Variants in SZT2 observed in about 807,000 individuals in gnomAD.
SZT2 encodes KICSTOR complex protein SZT2.
Under a neutral mutation model 404.2 loss-of-function variants are expected in SZT2, and 216 were observed. The observed-to-expected ratio is 0.53, with a 90% confidence interval of 0.48 to 0.60. The LOEUF (loss-of-function observed/expected upper bound fraction) is 0.60. Ranked by LOEUF, SZT2 falls within the 20% of genes least tolerant of loss-of-function variation. The probability of loss-of-function intolerance (pLI) is 0.00; values close to 1 mark genes in which losing one functional copy is unlikely to be tolerated. For missense variants in SZT2, 3,857 were observed against 4,459.2 expected (o/e 0.86, Z 3.85); for synonymous variants, 1,693 against 1,749.9 (o/e 0.97, Z 0.81).
chr1:43,427,203 G>A (rs773910450), intron 24 of SZT2, 24 bp downstream of exon 24: 30 of 1,612,236 alleles, frequency 1.9e-5, no homozygotes, highest in East Asian at 6.7e-5. Flanking sequence ...ACCTCCTCAC[G>A]AACCCCCTCA....
Position 43,439,148 on chromosome 1 carries a change from A to C in SZT2, c.6792+55A>C. 1.2e-6 allele frequency: 2 copies of C among 1,608,258 alleles called. No homozygotes were observed. The highest frequency in any genetic ancestry group is 8.5e-7 in the Non-Finnish European group (1 of 1,176,320). On this transcript the variant is annotated intron_variant, in intron 48 of 71. Coordinates refer to ENST00000634258, the MANE Select transcript of SZT2 (RefSeq NM_001365999.1). The surrounding 1 kb of genome is among the most constrained non-coding windows in gnomAD (Gnocchi z 4.2). ...CATGTGCACCCCTGCCCCCTGCCCC[A>C]CGCACTTACTCTTTCCTACCGATAC...
At chr1:43,407,367 T>A (rs549513931) in intron 4 of SZT2, among the ~76,000 whole-genome samples, 12 of 152,092 alleles carry the variant, frequency 7.9e-5, no homozygotes, top group African/African-American at 2.9e-4. Flanking sequence ...AACAAAAAAA[T>A]TAGCTGGGCG....
Position 43,419,702 on chromosome 1 carries a change from G to A in SZT2, c.880-32G>A, listed in dbSNP as rs569599400. 70 of 1,563,774 alleles carry A rather than the reference G, an allele frequency of 4.5e-5. No individual in the cohort carries two copies. The Middle Eastern group carries it at 1.2e-3, about 26-fold the overall frequency. ...TCTTCCTTCTCCTATGCCTCTGTCAGAGCTAGGTCTTCAGTTGCTCACTTT... is the reference window on the plus strand; with the variant it reads ...TCTTCCTTCTCCTATGCCTCTGTCAAAGCTAGGTCTTCAGTTGCTCACTTT... On this transcript the variant is annotated intron_variant, in intron 7 of 71. Transcript: ENST00000634258.
At chr1:43,440,642 T>C (rs1208448721) in intron 52 of SZT2, 56 bp downstream of exon 52, 9 of 1,484,630 alleles carry the variant, frequency 6.1e-6, no homozygotes, top group Non-Finnish European at 7.2e-6. Flanking sequence ...TCCTAGCTCC[T>C]CCCACACTCC....
In SZT2 at chr1:43,406,518, A is replaced by ACT. The variant is rs367610245; in HGVS notation, c.498+1972_498+1973dup. The ACT allele has an allele frequency of 4.0e-3, 621 of 154,782 alleles. 2 individuals carry two copies. The highest frequency in any genetic ancestry group is 5.7e-3 in the Non-Finnish European group (396 of 69,414). The allele number at this position is 154,782 out of a possible 1,614,324, so 9.6% of individuals were successfully genotyped here. ...CAAATACATGGTACTATGAACCTGT[A>ACT]CTCTCAATCACAGGTGTTTTAGGGA... On this transcript the variant is annotated intron_variant, in intron 4 of 71. Transcript: ENST00000634258.
At position 43,453,908 on chromosome 1, in the gene SZT2, C is replaced by G. The variant is rs1656757429; in HGVS notation, c.*3428C>G. 1 of 1,213,400 alleles carries G rather than the reference C, an allele frequency of 8.2e-7. No homozygotes were observed. The highest frequency in any genetic ancestry group is 1.0e-6 in the Non-Finnish European group (1 of 976,794). The allele number at this position is 1,213,400 out of a possible 1,614,324, so 75.2% of individuals were successfully genotyped here. On this transcript the variant is annotated 3_prime_UTR_variant, in exon 72 of 72. Transcript: ENST00000634258. ...TGCTGGCCCTGCGAACGAACGAGCACTGTTCGTGGTTAGAAAAGCGAAGTG... is the reference window on the plus strand; with the variant it reads ...TGCTGGCCCTGCGAACGAACGAGCAGTGTTCGTGGTTAGAAAAGCGAAGTG...
chr1:43,394,815 G>A (rs1272640234), intron 1 of SZT2, among the ~76,000 whole-genome samples: 1 of 151,784 alleles, frequency 6.6e-6, no homozygotes, highest in Non-Finnish European at 1.5e-5. Context: ...GGAGGTGGAG[G>A]TTGCGGTGAG....
chr1:43,405,178 A>G (rs1196715204), intron 4 of SZT2: 1 of 152,004 alleles, frequency 6.6e-6, no homozygotes, highest in Admixed American at 6.6e-5. Context: ...TTATTTATTT[A>G]TTTATTTATT....
At position 43,446,994 on chromosome 1, in the gene SZT2, G is replaced by A; in HGVS notation, c.9112G>A (p.Asp3038Asn). 6.2e-7 allele frequency: 1 copy of A among 1,613,590 alleles called. No homozygotes were observed. The highest frequency in any genetic ancestry group is 2.2e-5 in the East Asian group (1 of 44,886). The change falls in exon 66 of 72, where the codon GAC becomes AAC. Residue 3038 changes from aspartate to asparagine, a missense_variant. Asp to Asn is a conservative substitution (Grantham distance 23, BLOSUM62 1). Transcript: ENST00000634258. Reference protein sequence around the residue: ...LFTEECDKVRDLMHVHSFSYD... With the variant: ...LFTEECDKVRNLMHVHSFSYD... ...CACAGAGGAGTGTGACAAGGTGCGG[G>A]ACCTGATGCACGTGCACTCGTTCAG...
chr1:43,425,136 A>C lies in SZT2; in HGVS notation c.2574A>C (p.Ala858=). Residue 858 remains alanine (A), a synonymous_variant, in exon 18 of 72, where the codon GCA becomes GCC. Coordinates refer to ENST00000634258, the MANE Select transcript of SZT2 (RefSeq NM_001365999.1). This position sits in a 1 kb window ranked among gnomAD's most constrained non-coding sequence, Gnocchi z 4.3. ...PIQNEPPGQA[A]AEEKHTCVVQ... ...AGAATGAACCACCAGGGCAGGCTGC[A>C]GCTGAAGAGAAGCACACCTGTGTTG... 2 of 1,614,204 alleles carry C rather than the reference A, an allele frequency of 1.2e-6. No individual in the cohort carries two copies.
intron 1 of SZT2, among the ~76,000 whole-genome samples, chr1:43,400,082 G>A (rs1026318170): frequency 6.6e-6 from 1 of 151,944 alleles, no homozygotes; most frequent in Non-Finnish European, 1.5e-5. Flanking sequence ...AGGACTACAG[G>A]TGCTCACCAC....
chr1:43,400,280 G>A (rs1482541076), intron 1 of SZT2, among the ~76,000 whole-genome samples: 1 of 152,080 alleles, frequency 6.6e-6, no homozygotes, highest in Non-Finnish European at 1.5e-5. Context: ...AATATAATAC[G>A]CAAGTGCAAC....
chr1:43,437,214 A>T lies in SZT2; in HGVS notation c.6078A>T (p.Ala2026=). Reference sequence around the variant, plus strand: ...GCTGTGCGCCCCGTGGGTACCTGGCAGCCACAATGCAGTTTGTCCCTGGCC... The same window carrying T: ...GCTGTGCGCCCCGTGGGTACCTGGCTGCCACAATGCAGTTTGTCCCTGGCC... ...DESCAPRGYL[A]ATMQFVPGHF... Residue 2026 remains alanine (A), a synonymous_variant, in exon 43 of 72, where the codon GCA becomes GCT. Transcript: ENST00000634258. The surrounding 1 kb of genome is among the most constrained non-coding windows in gnomAD (Gnocchi z 5.3). 1 of 1,614,162 alleles carries T rather than the reference A, an allele frequency of 6.2e-7. No homozygotes were observed.
chr1:43,419,933 A>G lies in SZT2; in HGVS notation c.1079A>G (p.Glu360Gly). The G allele has an allele frequency of 6.3e-7, 1 of 1,598,218 alleles. No homozygotes were observed. The highest frequency in any genetic ancestry group is 8.5e-7 in the Non-Finnish European group (1 of 1,179,662). The change falls in exon 8 of 72, where the codon GAA becomes GGA. Residue 360 changes from glutamate to glycine, a missense_variant. By Grantham distance (98) the Glu-to-Gly change is moderately conservative (BLOSUM62 -2). Transcript: ENST00000634258. ...FLRSGEALNP[E>G]YYCGSQHRLF... ...CGCAGTGGGGAAGCACTGAACCCTG[A>G]ATATTACTGCGGTGAGAGGCACACT...
intron 1 of SZT2, among the ~76,000 whole-genome samples, chr1:43,401,401 G>A (rs1649667017): frequency 6.6e-6 from 1 of 152,198 alleles, no homozygotes; most frequent in South Asian, 2.1e-4. Context: ...CTAATAAGTG[G>A]ATGAATTGGG....
At chr1:43,407,374 G>A (rs1650441914) in intron 4 of SZT2, among the ~76,000 whole-genome samples, 1 of 152,052 alleles carries the variant, frequency 6.6e-6, no homozygotes, top group Non-Finnish European at 1.5e-5. Flanking sequence ...AAATTAGCTG[G>A]GCGTGATGGT....
At position 43,453,752 on chromosome 1, in the gene SZT2, G is replaced by T. The variant is rs1354129277; in HGVS notation, c.*3272G>T. The T allele has an allele frequency of 1.4e-6, 2 of 1,380,004 alleles. No homozygotes were observed. Among genetic ancestry groups the T allele is most frequent in the Non-Finnish European group, 1.9e-6 (2 of 1,078,760 alleles). 85.5% of individuals were successfully genotyped at this position (1,380,004 alleles called of 1,614,324 possible). ...GCGCGGGGAGGCCGGAGAGCTCGGG[G>T]AATAGCCAGGACAGATTGGCGGAGA... is the stretch of plus-strand genomic sequence containing the variant. On this transcript the variant is annotated 3_prime_UTR_variant, in exon 72 of 72. Transcript: ENST00000634258.
At chr1:43,447,522 G>C (rs1187960223) in intron 66 of SZT2, 23 bp from the exon 67 acceptor site, 1 of 1,611,298 alleles carries the variant, frequency 6.2e-7, no homozygotes, top group East Asian at 2.2e-5. Context: ...AGTGTCTGCT[G>C]TCTCCTGTTA....
At chr1:43,406,246 C>A (rs1393219393) in intron 4 of SZT2, 1 of 328,500 alleles carries the variant, frequency 3.0e-6, no homozygotes. Flanking sequence ...CACTACCACA[C>A]CCGGCTAATT....
Sources: gnomAD v4.1 joint callset for allele counts (sites outside exome capture counted in the v4.1 genomes callset) on GRCh38, gnomAD v4.1.1 for gene constraint, Gnocchi (gnomAD v3.1) non-coding constraint, MANE v1.5 for transcripts, NCBI Gene and HGNC (gene_info 2026-07-23, HGNC 2026-07-21) for gene names.